Variants in KCNH8 observed in about 807,000 individuals in gnomAD.
The protein encoded by KCNH8 is voltage-gated delayed rectifier potassium channel KCNH8.
Under a neutral mutation model 103.6 loss-of-function variants are expected in KCNH8, and 70 were observed. The ratio of observed to expected loss-of-function variants is 0.68; its 90% CI spans 0.56 to 0.82. KCNH8 has a LOEUF of 0.82. Among genes scored for constraint, KCNH8 ranks in the 40% least tolerant of loss-of-function variants. KCNH8 has a pLI of 0.00. For missense variants in KCNH8, 1,217 were observed against 1,329.9 expected (o/e 0.92, Z 1.32); for synonymous variants, 498 against 489.4 (o/e 1.02, Z -0.23).
At chr3:19,177,058 A>C (rs527341358) in intron 1 of KCNH8, among the ~76,000 whole-genome samples, 62 of 152,194 alleles carry the variant, frequency 4.1e-4, no homozygotes, top group African/African-American at 1.4e-3. Flanking sequence ...GTCACATCAC[A>C]GTCTTGCTCT....
At chr3:19,504,347 A>G (rs1216920316) in intron 11 of KCNH8, among the ~76,000 whole-genome samples, 1 of 152,240 alleles carries the variant, frequency 6.6e-6, no homozygotes, top group African/African-American at 2.4e-5. Flanking sequence ...GTGGGATCTA[A>G]TTAAAGTAAA....
At chr3:19,239,901 C>T (rs11929606) in intron 1 of KCNH8, among the ~76,000 whole-genome samples, 3,435 of 152,180 alleles carry the variant, frequency 0.023, 115 homozygotes, top group African/African-American at 0.076. Flanking sequence ...AAGCAGGGAA[C>T]GGAGCAGGGA....
chr3:19,513,203 G>A lies in KCNH8; in HGVS notation c.2313G>A (p.Arg771=), dbSNP rs542257136. 15 of 1,613,836 alleles carry A rather than the reference G, an allele frequency of 9.3e-6. 1 individual carries two copies. In the South Asian group the frequency reaches 1.5e-4, roughly 17 times the overall value. The stretch of plus-strand genomic sequence containing the variant: ...TTCACTCGCCTATCAGAGTCTCCAG[G>A]TCAAATTCCCCCAAAACCAAGCAGG... The part of the protein sequence containing the change: ...VPFHSPIRVS[R]SNSPKTKQEI... Residue 771 remains arginine, a synonymous_variant, in exon 13 of 16, where the codon AGG becomes AGA. Coordinates refer to ENST00000328405, the MANE Select transcript of KCNH8 (RefSeq NM_144633.3).
chr3:19,218,300 G>A (rs931069669), intron 1 of KCNH8, among the ~76,000 whole-genome samples: 1 of 152,126 alleles, frequency 6.6e-6, no homozygotes, highest in Non-Finnish European at 1.5e-5. Flanking sequence ...TTGGATTTCC[G>A]TCTTAGTACT....
At chr3:19,289,060 C>T (rs1246643710) in intron 3 of KCNH8, among the ~76,000 whole-genome samples, 6 of 152,100 alleles carry the variant, frequency 3.9e-5, no homozygotes, top group Admixed American at 6.6e-5. Flanking sequence ...ATCCTTTGCC[C>T]ACTTTTTGAT....
At chr3:19,250,736 G>A (rs909355674) in intron 1 of KCNH8, among the ~76,000 whole-genome samples, 1 of 152,082 alleles carries the variant, frequency 6.6e-6, no homozygotes, top group Non-Finnish European at 1.5e-5. Context: ...CCTATTATTT[G>A]TGGACCACTG....
intron 1 of KCNH8, among the ~76,000 whole-genome samples, chr3:19,211,824 C>A (rs79373370): frequency 0.041 from 6,202 of 152,130 alleles, 450 homozygotes; most frequent in African/African-American, 0.14. Context: ...GAAATGTTTT[C>A]ATCAAATAAA....
chr3:19,518,423 T>C (rs1388829172), intron 15 of KCNH8, among the ~76,000 whole-genome samples: 1 of 152,060 alleles, frequency 6.6e-6, no homozygotes, highest in Admixed American at 6.6e-5. Flanking sequence ...TGACCTTCCA[T>C]TTTTAATGAG....
chr3:19,153,709 T>C (rs538701119), intron 1 of KCNH8, among the ~76,000 whole-genome samples: 1 of 150,872 alleles, frequency 6.6e-6, no homozygotes, highest in Non-Finnish European at 1.5e-5. Context: ...CTTGGCTCAC[T>C]GAAACCTCCG....
At chr3:19,150,500 C>T (rs2063118582) in intron 1 of KCNH8, among the ~76,000 whole-genome samples, 1 of 152,026 alleles carries the variant, frequency 6.6e-6, no homozygotes, top group Non-Finnish European at 1.5e-5. Context: ...GTGAATCATC[C>T]CAGCACAGCC....
chr3:19,238,554 G>T (rs536767873), intron 1 of KCNH8, among the ~76,000 whole-genome samples: 7 of 152,176 alleles, frequency 4.6e-5, no homozygotes, highest in African/African-American at 1.7e-4. Context: ...ATAACCGCAT[G>T]CTGAGGAAAT....
chr3:19,439,148 A>G (rs1246140533), intron 8 of KCNH8, among the ~76,000 whole-genome samples: 1 of 152,212 alleles, frequency 6.6e-6, no homozygotes, highest in East Asian at 1.9e-4. Context: ...AGCCCCAAAT[A>G]CACTTACTTT....
chr3:19,416,865 T>TA (rs1372613462), intron 7 of KCNH8, among the ~76,000 whole-genome samples: 9 of 152,164 alleles, frequency 5.9e-5, no homozygotes, highest in African/African-American at 2.2e-4. Context: ...TTCTTTGTTA[T>TA]TCCCATAAGC....
At chr3:19,431,905 A>G (rs188646650) in intron 7 of KCNH8, among the ~76,000 whole-genome samples, 2 of 151,702 alleles carry the variant, frequency 1.3e-5, no homozygotes, top group African/African-American at 4.8e-5. Context: ...TTCTTTATTA[A>G]TCTAGCTAGT....
At chr3:19,389,897 T>C (rs549601290) in intron 5 of KCNH8, among the ~76,000 whole-genome samples, 51 of 152,228 alleles carry the variant, frequency 3.4e-4, no homozygotes, top group African/African-American at 1.2e-3. Flanking sequence ...TCCAAAGTGC[T>C]GGGATTACAG....
chr3:19,497,421 C>T (rs1260155934), intron 11 of KCNH8, among the ~76,000 whole-genome samples: 1 of 152,152 alleles, frequency 6.6e-6, no homozygotes, highest in East Asian at 1.9e-4. Context: ...TTAGCTGTGT[C>T]CCAAAGATTC....
intron 1 of KCNH8, among the ~76,000 whole-genome samples, chr3:19,158,216 C>A (rs115415374): frequency 0.012 from 1,884 of 151,510 alleles, 46 homozygotes; most frequent in African/African-American, 0.043. Context: ...TGTTATTCAA[C>A]AATTCATCTT....
intron 5 of KCNH8, among the ~76,000 whole-genome samples, chr3:19,353,676 T>G (rs1340610823): frequency 6.6e-6 from 1 of 152,136 alleles, no homozygotes; most frequent in Non-Finnish European, 1.5e-5. Context: ...TTCGACAAAA[T>G]TCAGCAGCCC....
chr3:19,451,494 AG>A lies in KCNH8; in HGVS notation c.1825+92del, dbSNP rs2067447392. 2.5e-6 allele frequency: 3 copies of A among 1,192,596 alleles called. No homozygotes were observed. In the Admixed American group the frequency reaches 5.6e-5, roughly 22 times the overall value. 73.9% of individuals were successfully genotyped at this position (1,192,596 alleles called of 1,614,324 possible). A position where few individuals can be genotyped will look rare whatever the true frequency, so the allele number is the denominator to read the frequency against. ...GGGGGAAAAAACTGCTATTGAGAGT[AG>A]GAAAAGAACAGATGAAGACATGAAC... On this transcript the variant is annotated intron_variant, in intron 10 of 15. Coordinates refer to ENST00000328405, the MANE Select transcript of KCNH8 (RefSeq NM_144633.3).
Sources: gnomAD v4.1 joint callset for allele counts (sites outside exome capture counted in the v4.1 genomes callset) on GRCh38, gnomAD v4.1.1 for gene constraint, MANE v1.5 for transcripts, NCBI Gene and HGNC (gene_info 2026-07-23, HGNC 2026-07-21) for gene names.